KNTC1: variants seen among roughly 807,000 people sequenced by gnomAD.
KNTC1 encodes the protein kinetochore associated 1.
In KNTC1, 253 loss-of-function variants were observed where a neutral mutation model predicts 314.4. That is an observed-to-expected ratio of 0.80 (90% CI 0.73 to 0.89). The LOEUF (loss-of-function observed/expected upper bound fraction) is 0.89, where lower values mean the gene tolerates loss of function less well. Ranked by LOEUF, KNTC1 falls within the 40% of genes least tolerant of loss-of-function variation. The probability of loss-of-function intolerance (pLI) is 0.00; values close to 1 mark genes in which losing one functional copy is unlikely to be tolerated. For synonymous variants in KNTC1, 901 were observed against 901.4 expected (o/e 1.00, Z 0.01); for missense variants, 2,475 against 2,572.9 (o/e 0.96, Z 0.82).
At chr12:122,583,748 C>T (rs975303695) in intron 34 of KNTC1, among the ~76,000 whole-genome samples, 10 of 152,176 alleles carry the variant, frequency 6.6e-5, no homozygotes, top group African/African-American at 2.4e-4. Flanking sequence ...ATCGCTTGAA[C>T]CTGGGAGGTG....
At position 122,546,230 on chromosome 12, in the gene KNTC1, A is replaced by G; in HGVS notation, c.724A>G (p.Met242Val). Residue 242 changes from methionine (M) to valine (V), a missense_variant, in exon 9 of 64, where the codon ATG becomes GTG. By Grantham distance (21) the Met-to-Val change is conservative. Coordinates refer to ENST00000333479, the MANE Select transcript of KNTC1 (RefSeq NM_014708.6). ...KWEPDSSKKG[M>V]TVKNLIDAEI... is the part of the protein sequence containing the mutation. ...GGAACCAGATTCTTCCAAGAAAGGAATGACAGTTAAGAACCTTATTGATGC... is the reference window on the plus strand; with the variant it reads ...GGAACCAGATTCTTCCAAGAAAGGAGTGACAGTTAAGAACCTTATTGATGC... 6.2e-7 allele frequency: 1 copy of G among 1,606,612 alleles called. No individual in the cohort carries two copies. The highest frequency in any genetic ancestry group is 8.5e-7 in the Non-Finnish European group (1 of 1,173,446).
intron 42 of KNTC1, among the ~76,000 whole-genome samples, chr12:122,592,170 C>T (rs930538297): frequency 6.6e-6 from 1 of 152,236 alleles, no homozygotes; most frequent in African/African-American, 2.4e-5. Context: ...GCACCCGGGC[C>T]AGCGGCTGCG....
At chr12:122,618,101 A>G (rs905715814) in intron 57 of KNTC1, among the ~76,000 whole-genome samples, 5 of 152,154 alleles carry the variant, frequency 3.3e-5, no homozygotes, top group Admixed American at 2.0e-4. Context: ...CCTCCCGAGT[A>G]GCTGGGATTA....
At chr12:122,610,953 T>G in intron 53 of KNTC1, 53 bp downstream of exon 53, 1 of 1,297,882 alleles carries the variant, frequency 7.7e-7, no homozygotes, top group Non-Finnish European at 1.1e-6. Context: ...GCTTAACATT[T>G]TTTTCCTGTT....
At position 122,573,029 on chromosome 12, in the gene KNTC1, C is replaced by G; in HGVS notation, c.2112C>G (p.Cys704Trp). Residue 704 changes from cysteine (C) to tryptophan (W), a missense_variant, in exon 25 of 64, where the codon TGC becomes TGG. Coordinates refer to ENST00000333479, the MANE Select transcript of KNTC1 (RefSeq NM_014708.6). ...ELITLHRKYNCKLALSDFEKE... is the reference protein window; with the variant it reads ...ELITLHRKYNWKLALSDFEKE... ...TCACGTTGCATAGGAAGTACAACTG[C>G]AAATTAGCCCTCTCTGATTTTGAGA... 6.2e-7 allele frequency: 1 copy of G among 1,611,680 alleles called. No individual in the cohort carries two copies. The highest frequency in any genetic ancestry group is 8.5e-7 in the Non-Finnish European group (1 of 1,178,704).
Position 122,530,019 on chromosome 12 carries a change from C to G in KNTC1, c.-45C>G. 1 of 1,599,472 alleles carries G rather than the reference C, an allele frequency of 6.3e-7. No individual in the cohort carries two copies. The highest frequency in any genetic ancestry group is 1.3e-5 in the African/African-American group (1 of 74,578). ...ATATGGTGTCTAATTTTATGTTGTTCAGGAAAGACAGTGGTTCCTGACTCA... is the reference window on the plus strand; with the variant it reads ...ATATGGTGTCTAATTTTATGTTGTTGAGGAAAGACAGTGGTTCCTGACTCA... On this transcript the variant is annotated 5_prime_UTR_variant, in exon 2 of 64. Transcript: ENST00000333479.
Position 122,584,469 on chromosome 12 carries a change from T to C in KNTC1, c.3436+19T>C, listed in dbSNP as rs773404927. ...AGTCCAGGTGACAATATTTATAATATACGTAGTTTTATATTCTCTGGTTCA... is the reference window on the plus strand; with the variant it reads ...AGTCCAGGTGACAATATTTATAATACACGTAGTTTTATATTCTCTGGTTCA... On this transcript the variant is annotated intron_variant, in intron 35 of 63. Transcript: ENST00000333479. 2.6e-6 allele frequency: 4 copies of C among 1,566,082 alleles called. No homozygotes were observed. In the South Asian group the frequency reaches 4.7e-5, roughly 18 times the overall value.
At chr12:122,578,722 T>C (rs1324223201) in intron 31 of KNTC1, among the ~76,000 whole-genome samples, 1 of 152,108 alleles carries the variant, frequency 6.6e-6, no homozygotes, top group African/African-American at 2.4e-5. Flanking sequence ...ACTTGGCCAA[T>C]AGTTGGATTT....
intron 4 of KNTC1, 112 bp from the exon 5 acceptor site, chr12:122,539,564 A>G (rs972191726): frequency 1.4e-6 from 1 of 723,140 alleles, no homozygotes; most frequent in African/African-American, 1.8e-5. Context: ...TGTTTAGAAT[A>G]TAGGCAGAAT....
At chr12:122,604,827 A>C (rs554494324) in intron 49 of KNTC1, 50 bp from the exon 50 acceptor site, 29 of 1,530,068 alleles carry the variant, frequency 1.9e-5, no homozygotes, top group Middle Eastern at 3.4e-4. Flanking sequence ...CTTGGCTTCA[A>C]CTGAGGCTTA....
intron 48 of KNTC1, 54 bp from the exon 49 acceptor site, chr12:122,604,510 A>G: frequency 9.6e-7 from 1 of 1,038,638 alleles, no homozygotes; most frequent in Non-Finnish European, 1.4e-6. Context: ...TTTTCTTGAA[A>G]AGATTAAGAT....
intron 42 of KNTC1, 44 bp from the exon 43 acceptor site, chr12:122,594,232 G>C (rs1476720430): frequency 9.4e-7 from 1 of 1,069,220 alleles, no homozygotes; most frequent in African/African-American, 1.6e-5. Context: ...ATACATTTCA[G>C]TGTAGAGGGT....
intron 3 of KNTC1, 35 bp downstream of exon 3, chr12:122,534,819 T>A (rs1961658356): frequency 6.3e-7 from 1 of 1,596,514 alleles, no homozygotes; most frequent in Non-Finnish European, 8.6e-7. Context: ...TAAGATAAAT[T>A]GGAAGTCAAA....
rs143547972 is a variant in KNTC1, at chr12:122,600,510, CCA to C, written c.4564-1023_4564-1022del. On this transcript the variant is annotated intron_variant, in intron 44 of 63. Transcript: ENST00000333479. Reference sequence around the variant, plus strand: ...TCCTTTGAGAAACTTGCTTGGAGGCCCACAGTTTTACTCATGTCATTTCTAAG... The same window carrying C: ...TCCTTTGAGAAACTTGCTTGGAGGCCCAGTTTTACTCATGTCATTTCTAAG... 2.5e-4 allele frequency among the ~76,000 whole-genome samples: 38 copies of C among 152,244 alleles called. 1 individual carries two copies. In the East Asian group the frequency reaches 6.7e-3, roughly 27 times the overall value.
chr12:122,589,826 C>T (rs1179237425), intron 40 of KNTC1, among the ~76,000 whole-genome samples: 2 of 134,418 alleles, frequency 1.5e-5, no homozygotes, highest in African/African-American at 5.9e-5. Flanking sequence ...CACTCTCATC[C>T]AGGCTGGAGT....
intron 31 of KNTC1, among the ~76,000 whole-genome samples, chr12:122,578,020 C>T (rs1210102161): frequency 6.6e-6 from 1 of 152,074 alleles, no homozygotes; most frequent in Non-Finnish European, 1.5e-5. Context: ...TGTGGGTTAG[C>T]AGGTGTCTTG....
chr12:122,543,194 T>C (rs1409721344), intron 6 of KNTC1, among the ~76,000 whole-genome samples: 1 of 152,216 alleles, frequency 6.6e-6, no homozygotes, highest in African/African-American at 2.4e-5. Context: ...ATTGTAGGCA[T>C]GAGCCACTGC....
intron 9 of KNTC1, 84 bp downstream of exon 9, chr12:122,546,353 T>C (rs1187802367): frequency 1.2e-6 from 1 of 817,656 alleles, no homozygotes; most frequent in Non-Finnish European, 2.0e-6. Context: ...GACATATGGG[T>C]CATTTTACCC....
At chr12:122,609,205 CAA>C in intron 51 of KNTC1, 177 bp from the exon 52 acceptor site, 1 of 575,440 alleles carries the variant, frequency 1.7e-6, no homozygotes, top group Non-Finnish European at 3.0e-6. Context: ...GTTGAGTAAA[CAA>C]ATATGAGTAG....
Sources: gnomAD v4.1 joint callset for allele counts (sites outside exome capture counted in the v4.1 genomes callset) on GRCh38, gnomAD v4.1.1 for gene constraint, MANE v1.5 for transcripts, NCBI Gene and HGNC (gene_info 2026-07-23, HGNC 2026-07-21) for gene names.